The following BSN variants were observed in gnomAD, a reference collection of about 807,000 sequenced individuals.
BSN encodes the protein protein bassoon.
A neutral mutation model predicts 264.8 loss-of-function variants in BSN; 57 were observed. That is an observed-to-expected ratio of 0.22 (90% confidence interval 0.17 to 0.27). BSN has a LOEUF of 0.27. Ranked by LOEUF, BSN falls within the 10% of genes least tolerant of loss-of-function variation. The probability of loss-of-function intolerance (pLI) is 1.00; values close to 1 mark genes in which losing one functional copy is unlikely to be tolerated. For synonymous variants in BSN, 2,059 were observed against 2,137.3 expected (o/e 0.96, Z 1.01); for missense variants, 4,615 against 5,232.5 (o/e 0.88, Z 3.64).
At chr3:49,640,307 C>T (rs550407074) in intron 2 of BSN, among the ~76,000 whole-genome samples, 1 of 152,318 alleles carries the variant, frequency 6.6e-6, no homozygotes, top group South Asian at 2.1e-4. Context: ...CTGGGATGAG[C>T]CCTGCTCTGT....
At chr3:49,635,163 A>AT (rs2052411290) in intron 2 of BSN, among the ~76,000 whole-genome samples, 1 of 152,246 alleles carries the variant, frequency 6.6e-6, no homozygotes, top group African/African-American at 2.4e-5. Context: ...AGACCCTGGC[A>AT]TGAAACAGGC....
At chr3:49,561,547 TTTTAA>T (rs2107998891) in intron 1 of BSN, among the ~76,000 whole-genome samples, 1 of 152,322 alleles carries the variant, frequency 6.6e-6, no homozygotes, top group Non-Finnish European at 1.5e-5. Flanking sequence ...AAAAAAATTT[TTTTAA>T]TTAATTATTT....
chr3:49,670,765 T>C lies in BSN; in HGVS notation c.*3280T>C, dbSNP rs895620359. 1 of 152,274 alleles carries C rather than the reference T, an allele frequency of 6.6e-6. No individual in the cohort carries two copies. Among genetic ancestry groups the C allele is most frequent in the African/African-American group, 2.4e-5 (1 of 41,466 alleles). 9.4% of individuals were successfully genotyped at this position (152,274 alleles called of 1,614,324 possible). On this transcript the variant is annotated 3_prime_UTR_variant, in exon 12 of 12. Transcript: ENST00000296452. ...AGGGCCCAGTGCACTCACTTCACAG[T>C]GACAGCCCTCCCCTACAATCCTTGG...
chr3:49,616,892 G>A (rs2052263442), intron 1 of BSN, among the ~76,000 whole-genome samples: 1 of 152,176 alleles, frequency 6.6e-6, no homozygotes, highest in African/African-American at 2.4e-5. Flanking sequence ...GTCCTGGGAT[G>A]GGACAGGAGG....
downstream of BSN, among the ~76,000 whole-genome samples, chr3:49,671,906 C>CA (rs1225698900): frequency 2.6e-5 from 4 of 152,082 alleles, no homozygotes; most frequent in African/African-American, 4.8e-5. The surrounding 1 kb of genome is among the most constrained non-coding windows in gnomAD (Gnocchi z 4.1). Context: ...ACAAGCCCTA[C>CA]ACCTCTCTGC....
intron 2 of BSN, among the ~76,000 whole-genome samples, chr3:49,635,740 G>A (rs746640851): frequency 9.2e-5 from 14 of 152,132 alleles, no homozygotes; most frequent in Non-Finnish European, 1.5e-4. Context: ...TTTGAGAGGC[G>A]AAGGTGGGAG....
rs2052640244 is a variant in BSN, at chr3:49,660,058, G to T, written c.8641-428G>T. Among the ~76,000 whole-genome samples, 1 of 152,090 alleles carries T rather than the reference G, an allele frequency of 6.6e-6. No individual in the cohort carries two copies. The highest frequency in any genetic ancestry group is 1.5e-5 in the Non-Finnish European group (1 of 68,008). ...GGACCCTCTCCACTCCATGCCTCCTGTTCATACTCCACTGATCTCAACCCC... is the reference window on the plus strand; with the variant it reads ...GGACCCTCTCCACTCCATGCCTCCTTTTCATACTCCACTGATCTCAACCCC... On this transcript the variant is annotated intron_variant, in intron 5 of 11. Coordinates refer to ENST00000296452, the MANE Select transcript of BSN (RefSeq NM_003458.4). This position sits in a 1 kb window ranked among gnomAD's most constrained non-coding sequence, Gnocchi z 7.1.
In BSN at chr3:49,652,892, G is replaced by A. The variant is rs777905798; in HGVS notation, c.3336G>A (p.Ala1112=). Residue 1112 remains alanine (A), a synonymous_variant, in exon 5 of 12, where the codon GCG becomes GCA. Transcript: ENST00000296452. ...DASPTEELRQ[A]AEMEELHRSS... ...CCCCGACGGAGGAGCTGAGGCAGGCGGCCGAGATGGAGGAGCTACACCGCT... is the reference window on the plus strand; with the variant it reads ...CCCCGACGGAGGAGCTGAGGCAGGCAGCCGAGATGGAGGAGCTACACCGCT... 6.2e-6 allele frequency: 10 copies of A among 1,609,318 alleles called. No homozygotes were observed. The highest frequency in any genetic ancestry group is 4.5e-5 in the East Asian group (2 of 44,772).
intron 1 of BSN, among the ~76,000 whole-genome samples, chr3:49,588,199 G>A (rs1404508927): frequency 2.0e-5 from 3 of 152,054 alleles, no homozygotes; most frequent in African/African-American, 4.8e-5. Context: ...TGGAATTACA[G>A]GTGTGAGCCA....
At position 49,663,835 on chromosome 3, in the gene BSN, C is replaced by A. The variant is rs1467894693; in HGVS notation, c.11557C>A (p.Gln3853Lys). 11 of 1,614,124 alleles carry A rather than the reference C, an allele frequency of 6.8e-6. No homozygotes were observed. Among genetic ancestry groups the A allele is most frequent in the Non-Finnish European group, 9.3e-6 (11 of 1,180,034 alleles). The change falls in exon 8 of 12, where the codon CAA (glutamine) becomes AAA (lysine). Residue 3853 changes from glutamine to lysine, a missense_variant. Around this residue, in one of 3 missense-constraint regions of BSN, gnomAD observed 3,415 missense variants for 3,866.4 expected, o/e 0.88. Transcript: ENST00000296452. ...CTCTAAAGGGACAGCCAAAGCACCG[C>A]AACAGGGGAGGGCTCCTCAGGCCCA... is the stretch of plus-strand genomic sequence containing the variant. ...NGSKGTAKAP[Q>K]QGRAPQAQPA...
In BSN at chr3:49,652,226, A is replaced by G. The variant is rs777422436; in HGVS notation, c.2670A>G (p.Ala890=). 1.2e-6 allele frequency: 2 copies of G among 1,611,486 alleles called. No individual in the cohort carries two copies. Among genetic ancestry groups the G allele is most frequent in the East Asian group, 4.5e-5 (2 of 44,836 alleles). ...GGCCTGAGCCTAGCCAAGAACCAGCAGCACTGCCCAAGAGGCGCCTGCCCC... is the reference window on the plus strand; with the variant it reads ...GGCCTGAGCCTAGCCAAGAACCAGCGGCACTGCCCAAGAGGCGCCTGCCCC... ...RPRPEPSQEP[A]ALPKRRLPHN... The change falls in exon 5 of 12, where the codon GCA becomes GCG. Residue 890 remains alanine, a synonymous_variant. Transcript: ENST00000296452.
rs1214646066 is a variant in BSN, at chr3:49,657,786, C to T, written c.8230C>T (p.Leu2744=). The T allele has an allele frequency of 1.3e-6, 2 of 1,568,072 alleles. No individual in the cohort carries two copies. Among genetic ancestry groups the T allele is most frequent in the Non-Finnish European group, 1.7e-6 (2 of 1,155,230 alleles). ...LVGPTAISPY[L]PGIQIVTPGP... ...AGGGCCAACTGCCATCAGCCCCTAC[C>T]TGCCTGGCATCCAGATCGTCACCCC... The change falls in exon 5 of 12, where the codon CTG becomes TTG. Residue 2744 remains leucine, a synonymous_variant. Coordinates refer to ENST00000296452, the MANE Select transcript of BSN (RefSeq NM_003458.4).
At chr3:49,623,089 G>A (rs1031783839) in intron 1 of BSN, among the ~76,000 whole-genome samples, 1 of 152,120 alleles carries the variant, frequency 6.6e-6, no homozygotes, top group Non-Finnish European at 1.5e-5. Flanking sequence ...TCTTGGGGTG[G>A]GTGTCCCCAG....
At chr3:49,616,831 G>C (rs1249840976) in intron 1 of BSN, among the ~76,000 whole-genome samples, 1 of 152,220 alleles carries the variant, frequency 6.6e-6, no homozygotes, top group Non-Finnish European at 1.5e-5. Context: ...TTCTGACAGA[G>C]GGGAGCCCAG....
intron 6 of BSN, 116 bp from the exon 7 acceptor site, chr3:49,662,760 G>A (rs1159176752): frequency 7.1e-7 from 1 of 1,411,488 alleles, no homozygotes; most frequent in East Asian, 2.4e-5. Context: ...CTGGGGGCCT[G>A]CTGATCTGCT....
At chr3:49,637,288 G>C (rs2052426965) in intron 2 of BSN, among the ~76,000 whole-genome samples, 1 of 152,130 alleles carries the variant, frequency 6.6e-6, no homozygotes. Context: ...TGTGACTTCG[G>C]GGGGCTCTCA....
intron 1 of BSN, among the ~76,000 whole-genome samples, chr3:49,586,850 T>A (rs574187321): frequency 6.6e-6 from 1 of 152,368 alleles, no homozygotes; most frequent in East Asian, 1.9e-4. Context: ...ATATGATTCT[T>A]CCAGCTTTGT....
chr3:49,603,916 A>G lies in BSN; in HGVS notation c.225-21059A>G, dbSNP rs546888131. Among the ~76,000 whole-genome samples, 9 of 152,190 alleles carry G rather than the reference A, an allele frequency of 5.9e-5. No homozygotes were observed. The South Asian group carries it at 1.9e-3, about 32-fold the overall frequency. ...TGGATTTATCTATTTTGGATAGTTC[A>G]TATAAATGGAATCATAAAATAGGTA... is the stretch of plus-strand genomic sequence containing the variant. On this transcript the variant is annotated intron_variant, in intron 1 of 11. Coordinates refer to ENST00000296452, the MANE Select transcript of BSN (RefSeq NM_003458.4).
downstream of BSN, among the ~76,000 whole-genome samples, chr3:49,672,772 C>T (rs1450481784): frequency 6.7e-6 from 1 of 149,176 alleles, no homozygotes; most frequent in Admixed American, 6.7e-5. Flanking sequence ...TGAGCCACCG[C>T]GCCTGGCACT....
Sources: allele counts gnomAD v4.1 joint callset (sites outside exome capture counted in the v4.1 genomes callset), GRCh38; gene constraint gnomAD v4.1.1; regional missense constraint gnomAD v4.1.1; non-coding constraint Gnocchi (gnomAD v3.1); transcripts MANE v1.5; gene names NCBI Gene and HGNC (gene_info 2026-07-23, HGNC 2026-07-21).